Variants in PSME4 observed in about 807,000 individuals in gnomAD.
The protein encoded by PSME4 is proteasome activator complex subunit 4.
In PSME4, 89 loss-of-function variants were observed where a neutral mutation model predicts 253.9. The observed-to-expected ratio is 0.35, with a 90% CI of 0.30 to 0.42. The LOEUF (loss-of-function observed/expected upper bound fraction) is 0.42, where lower values mean the gene tolerates loss of function less well. Ranked by LOEUF, PSME4 falls within the 10% of genes least tolerant of loss-of-function variation. The probability of loss-of-function intolerance (pLI) is 1.00; values close to 1 mark genes in which losing one functional copy is unlikely to be tolerated. For synonymous variants in PSME4, 851 were observed against 759.2 expected (o/e 1.12, Z -1.99); for missense variants, 2,014 against 2,195.2 (o/e 0.92, Z 1.65).
intron 29 of PSME4, among the ~76,000 whole-genome samples, chr2:53,899,142 G>A (rs1457482483): frequency 6.6e-6 from 1 of 152,122 alleles, no homozygotes; most frequent in Non-Finnish European, 1.5e-5. Flanking sequence ...TCTGCTCACT[G>A]TAACCTCTGC....
intron 20 of PSME4, among the ~76,000 whole-genome samples, chr2:53,913,598 G>A (rs928506033): frequency 2.6e-4 from 40 of 151,974 alleles, no homozygotes; most frequent in Non-Finnish European, 5.9e-5. Context: ...TCCCTTCAAA[G>A]TACAAATGTC....
At chr2:53,953,721 C>T (rs1670105562) in intron 1 of PSME4, among the ~76,000 whole-genome samples, 1 of 151,776 alleles carries the variant, frequency 6.6e-6, no homozygotes, top group African/African-American at 2.4e-5. Context: ...TTCAAAAACC[C>T]TACTTTAGAC....
intron 36 of PSME4, among the ~76,000 whole-genome samples, chr2:53,891,097 G>C (rs1558656475): frequency 6.6e-6 from 1 of 152,124 alleles, no homozygotes; most frequent in Non-Finnish European, 1.5e-5. Flanking sequence ...TAGTACGCTA[G>C]GCTGAAACAA....
rs17045370 is a variant in PSME4 at position 53,904,017 on chromosome 2, C to A, written c.3075+8G>T. On this transcript the variant is annotated splice_region_variant and intron_variant, in intron 27 of 46. Transcript: ENST00000404125. ...TGTTTACAGTAAAATAGGAAAAAAA[C>A]CCTATACCTTGAATTGTTGCTGTGT... 1 of 1,596,132 alleles carries A rather than the reference C, an allele frequency of 6.3e-7. No individual in the cohort carries two copies. The highest frequency in any genetic ancestry group is 8.5e-7 in the Non-Finnish European group (1 of 1,173,438).
chr2:53,918,615 T>C (rs1266506107), intron 20 of PSME4, among the ~76,000 whole-genome samples: 5 of 152,174 alleles, frequency 3.3e-5, no homozygotes, highest in Non-Finnish European at 5.9e-5. Flanking sequence ...ACTGGGCCTC[T>C]GCTGATTTTA....
chr2:53,934,750 A>G, intron 7 of PSME4, 23 bp from the exon 8 acceptor site: 2 of 1,517,020 alleles, frequency 1.3e-6, no homozygotes, highest in South Asian at 1.1e-5. Flanking sequence ...AAAAATAAGT[A>G]AGGATATTTA....
intron 3 of PSME4, among the ~76,000 whole-genome samples, chr2:53,942,379 A>G (rs805364): frequency 6.6e-6 from 1 of 151,060 alleles, no homozygotes; most frequent in Admixed American, 6.6e-5. Flanking sequence ...TTTTTTTTTT[A>G]AAATCAAAAG....
At chr2:53,936,248 T>C (rs895491267) in intron 6 of PSME4, 87 bp from the exon 7 acceptor site, 4 of 1,562,038 alleles carry the variant, frequency 2.6e-6, no homozygotes, top group Middle Eastern at 1.9e-4. Flanking sequence ...TTTGTTCTTT[T>C]TGGCAATCAT....
chr2:53,934,698 G>A lies in PSME4; in HGVS notation c.864C>T (p.Asn288=). 6.3e-7 allele frequency: 1 copy of A among 1,599,256 alleles called. No homozygotes were observed. Among genetic ancestry groups the A allele is most frequent in the Non-Finnish European group, 8.6e-7 (1 of 1,167,266 alleles). The change falls in exon 8 of 47, where the codon AAC becomes AAT. Residue 288 remains asparagine, a synonymous_variant. Transcript: ENST00000404125. ...KIFTRILRSL[N]LPVGSSQVLV... ...ACACTTGACTGCTTCCCACTGGGAG[G>A]TTCAAGCTTCTCAGAATTCTTGTAA...
chr2:53,957,633 A>G (rs1273378565), intron 1 of PSME4, among the ~76,000 whole-genome samples: 1 of 152,210 alleles, frequency 6.6e-6, no homozygotes, highest in Non-Finnish European at 1.5e-5. Context: ...ACAGCAGATT[A>G]ACAGTACGTG....
Position 53,909,433 on chromosome 2 carries a change from A to C in PSME4, c.2573-593T>G, listed in dbSNP as rs546385168. On this transcript the variant is annotated intron_variant, in intron 21 of 46. Transcript: ENST00000404125. ...ATATAGGGTTACAATATTCGTATTT[A>C]CACCAAGTATAACATATAAGTGCTA... 9.2e-5 allele frequency among the ~76,000 whole-genome samples: 14 copies of C among 152,318 alleles called. 1 individual carries two copies. In the South Asian group the frequency reaches 2.9e-3, roughly 32 times the overall value.
intron 20 of PSME4, among the ~76,000 whole-genome samples, chr2:53,914,773 C>T (rs753593312): frequency 1.3e-5 from 2 of 151,994 alleles, no homozygotes; most frequent in African/African-American, 2.4e-5. Flanking sequence ...CCCAGCTACT[C>T]GGGAGGCTGA....
rs1014219295 is a variant in PSME4 at position 53,864,699 on chromosome 2, C to G, written c.*879G>C. On this transcript the variant is annotated 3_prime_UTR_variant, in exon 47 of 47. Transcript: ENST00000404125. ...ATTAAATATTAAGCCTTATTAGTCT[C>G]TCAACGATTCTGCAGGCAAAATAAA... The G allele has an allele frequency of 3.9e-5, 6 of 152,480 alleles. No individual in the cohort carries two copies. The highest frequency in any genetic ancestry group is 3.9e-4 in the Admixed American group (6 of 15,278). 9.4% of individuals were successfully genotyped at this position (152,480 alleles called of 1,614,324 possible).
At chr2:53,876,735 T>G (rs1679145275) in intron 41 of PSME4, among the ~76,000 whole-genome samples, 1 of 133,178 alleles carries the variant, frequency 7.5e-6, no homozygotes, top group Admixed American at 7.4e-5. Context: ...TTTTTTTTTT[T>G]TGAGACAGGG....
intron 20 of PSME4, among the ~76,000 whole-genome samples, chr2:53,918,294 T>C (rs1668147541): frequency 6.6e-6 from 1 of 152,234 alleles, no homozygotes; most frequent in Admixed American, 6.5e-5. Flanking sequence ...ATTTAAATTA[T>C]TATCTATCTG....
intron 1 of PSME4, among the ~76,000 whole-genome samples, chr2:53,950,364 C>G (rs1458026635): frequency 6.6e-6 from 1 of 151,380 alleles, no homozygotes; most frequent in Non-Finnish European, 1.5e-5. Context: ...CCAATTAAAA[C>G]ACTGCTCTCT....
rs1248350008 is a variant in PSME4, at chr2:53,906,964, C to A, written c.2785-96G>T. On this transcript the variant is annotated intron_variant, in intron 24 of 46. Coordinates refer to ENST00000404125, the MANE Select transcript of PSME4 (RefSeq NM_014614.3). ...TACCTTAATAAGTGGTCAAAAAGGT[C>A]CCTGGTTGACTGGTGAGTGGTGGTG... 8.6e-6 allele frequency: 9 copies of A among 1,046,708 alleles called. No homozygotes were observed. In the African/African-American group the frequency reaches 1.3e-4, roughly 15 times the overall value. The allele number at this position is 1,046,708 out of a possible 1,614,324, so 64.8% of individuals were successfully genotyped here.
chr2:53,904,240 G>C, intron 26 of PSME4, 84 bp from the exon 27 acceptor site: 2 of 1,307,334 alleles, frequency 1.5e-6, no homozygotes, highest in Non-Finnish European at 2.1e-6. Flanking sequence ...AAACAGTAAT[G>C]ATAATTTACA....
chr2:53,903,818 C>T (rs902768339), intron 27 of PSME4, among the ~76,000 whole-genome samples: 1 of 151,872 alleles, frequency 6.6e-6, no homozygotes, highest in African/African-American at 2.4e-5. Flanking sequence ...AAAGATCATA[C>T]CTGTTTAAAG....
Sources: allele counts gnomAD v4.1 joint callset (sites outside exome capture counted in the v4.1 genomes callset), GRCh38; gene constraint gnomAD v4.1.1; transcripts MANE v1.5; gene names NCBI Gene and HGNC (gene_info 2026-07-23, HGNC 2026-07-21).